The following RBFOX1 variants were observed in gnomAD, a reference collection of about 807,000 sequenced individuals.
RBFOX1 encodes RNA binding protein fox-1 homolog 1.
RBFOX1 carries 8 observed loss-of-function variants against 57.7 expected under a neutral mutation model. The observed-to-expected ratio is 0.14, with a 90% CI of 0.08 to 0.25. RBFOX1 has a LOEUF of 0.25. Among genes scored for constraint, RBFOX1 ranks in the 10% least tolerant of loss-of-function variants. The pLI, the probability that RBFOX1 is intolerant of heterozygous loss-of-function variation, is 1.00. For synonymous variants in RBFOX1, 326 were observed against 222.4 expected, an observed-to-expected ratio of 1.47 and a Z score of -4.15; for missense variants, 611 against 548.5, an observed-to-expected ratio of 1.11 and a Z score of -1.14.
At chr16:6,673,110 C>G (rs140387456) in intron 3 of RBFOX1, among the ~76,000 whole-genome samples, 1 of 152,160 alleles carries the variant, frequency 6.6e-6, no homozygotes, top group African/African-American at 2.4e-5. Context: ...GCAACACTTG[C>G]TTATAGCAGA....
chr16:6,164,896 C>T lies in RBFOX1; in HGVS notation c.-127+144904C>T, dbSNP rs531696129. ...CCATGTCAGAAATCACAGAATCCTA[C>T]GAAGTTGAATTTTTCATTAAAGGAT... On this transcript the variant is annotated intron_variant, in intron 1 of 15. Transcript: ENST00000550418. Among the ~76,000 whole-genome samples the T allele has an allele frequency of 7.2e-5, 11 of 152,168 alleles. No homozygotes were observed. The South Asian group carries it at 1.5e-3, about 20-fold the overall frequency.
chr16:6,037,528 A>AC (rs752452679), intron 1 of RBFOX1: 2 of 19,328 alleles, frequency 1.0e-4, no homozygotes, highest in Non-Finnish European at 5.6e-4. Flanking sequence ...GGTCACTTAC[A>AC]AAAAAAAAAA....
At chr16:7,587,546 C>T (rs2094195558) in intron 7 of RBFOX1, among the ~76,000 whole-genome samples, 1 of 152,080 alleles carries the variant, frequency 6.6e-6, no homozygotes, top group African/African-American at 2.4e-5. Context: ...GAAAATTATA[C>T]ATGCTTAAAA....
chr16:6,015,421 T>C (rs983407157), upstream of RBFOX1, among the ~76,000 whole-genome samples: 1 of 152,186 alleles, frequency 6.6e-6, no homozygotes, highest in Non-Finnish European at 1.5e-5. Flanking sequence ...TGGAAATCAT[T>C]ATGGTAATGG....
chr16:6,483,415 A>C, intron 2 of RBFOX1: 1 of 1,534,928 alleles, frequency 6.5e-7, no homozygotes, highest in Non-Finnish European at 8.7e-7. Context: ...CATTGCTAGC[A>C]CGTGGGTGCC....
chr16:6,688,693 G>C (rs1286755415), intron 3 of RBFOX1, among the ~76,000 whole-genome samples: 4 of 152,062 alleles, frequency 2.6e-5, no homozygotes, highest in Admixed American at 6.5e-5. Flanking sequence ...GCATGTGCAG[G>C]TTTGTTACAT....
chr16:6,897,788 C>A (rs1045711494), intron 3 of RBFOX1, among the ~76,000 whole-genome samples: 2 of 152,012 alleles, frequency 1.3e-5, no homozygotes, highest in Non-Finnish European at 2.9e-5. Flanking sequence ...AGCGAGATTC[C>A]GTCTCAAAAA....
chr16:7,001,866 C>G (rs2092839199), intron 3 of RBFOX1, among the ~76,000 whole-genome samples: 1 of 152,162 alleles, frequency 6.6e-6, no homozygotes, highest in African/African-American at 2.4e-5. Flanking sequence ...CTTGTCTCAA[C>G]TTTTCTTATT....
In RBFOX1 at chr16:6,761,082, G is replaced by A. The variant is rs527569241; in HGVS notation, c.-16+106432G>A. On this transcript the variant is annotated intron_variant, in intron 3 of 15. Coordinates refer to ENST00000550418, the MANE Select transcript of RBFOX1 (RefSeq NM_018723.4). Reference sequence around the variant, plus strand: ...AATTAAATTACCTATTGATTAGTAGGGGGCTATCATTAAAAATTAGCACAA... The same window carrying A: ...AATTAAATTACCTATTGATTAGTAGAGGGCTATCATTAAAAATTAGCACAA... Among the ~76,000 whole-genome samples the A allele has an allele frequency of 1.8e-4, 28 of 152,230 alleles. 1 individual carries two copies. The highest frequency in any genetic ancestry group is 5.9e-4 in the Admixed American group (9 of 15,296).
intron 2 of RBFOX1, among the ~76,000 whole-genome samples, chr16:6,570,033 C>T (rs909108238): frequency 6.6e-6 from 1 of 152,186 alleles, no homozygotes; most frequent in African/African-American, 2.4e-5. Flanking sequence ...GGACGACCTT[C>T]AGTATTGATA....
intron 4 of RBFOX1, among the ~76,000 whole-genome samples, chr16:7,400,770 A>C (rs1233347099): frequency 6.6e-6 from 1 of 152,134 alleles, no homozygotes; most frequent in Non-Finnish European, 1.5e-5. Flanking sequence ...TTAAAAATGG[A>C]TTTCAGTTCC....
chr16:5,394,926 C>A (rs926492767), intron 1 of RBFOX1, among the ~76,000 whole-genome samples: 1 of 152,112 alleles, frequency 6.6e-6, no homozygotes, highest in Admixed American at 6.5e-5. Context: ...TCACTGGCCA[C>A]CTTGTGTCCA....
intron 3 of RBFOX1, among the ~76,000 whole-genome samples, chr16:6,986,067 T>G (rs977469319): frequency 6.6e-6 from 1 of 151,672 alleles, no homozygotes; most frequent in Non-Finnish European, 1.5e-5. Context: ...TTCATTTGTC[T>G]TTTTAAAAAT....
intron 4 of RBFOX1, among the ~76,000 whole-genome samples, chr16:7,415,462 C>T (rs17739640): frequency 0.057 from 8,621 of 152,120 alleles, 600 homozygotes; most frequent in East Asian, 0.29. Context: ...CAATGAGTAA[C>T]GGACCAACCT....
At chr16:6,071,478 A>G (rs181435148) in intron 1 of RBFOX1, among the ~76,000 whole-genome samples, 310 of 152,330 alleles carry the variant, frequency 2.0e-3, no homozygotes, top group Non-Finnish European at 2.8e-3. Flanking sequence ...CCCCAATAAC[A>G]TGAGTTTACC....
At chr16:7,427,373 G>A (rs975490185) in intron 4 of RBFOX1, among the ~76,000 whole-genome samples, 1 of 152,124 alleles carries the variant, frequency 6.6e-6, no homozygotes, top group Non-Finnish European at 1.5e-5. Context: ...TGATGCTGCT[G>A]GTCTGAGAAC....
chr16:7,228,652 C>A (rs980085669), intron 4 of RBFOX1, among the ~76,000 whole-genome samples: 1 of 152,186 alleles, frequency 6.6e-6, no homozygotes, highest in Admixed American at 6.5e-5. Context: ...CTTCTTTTCT[C>A]TTTGCACCTG....
intron 3 of RBFOX1, among the ~76,000 whole-genome samples, chr16:5,624,890 C>T (rs1002405893): frequency 2.6e-4 from 39 of 152,142 alleles, no homozygotes; most frequent in African/African-American, 8.2e-4. Flanking sequence ...TGTTTGACCA[C>T]TTGGAAACTG....
At chr16:6,399,544 C>T (rs540516555) in intron 2 of RBFOX1, among the ~76,000 whole-genome samples, 16 of 152,156 alleles carry the variant, frequency 1.1e-4, no homozygotes, top group African/African-American at 3.9e-4. Flanking sequence ...GTCCATTTCA[C>T]CATCAGCATT....
Sources: allele counts gnomAD v4.1 joint callset (sites outside exome capture counted in the v4.1 genomes callset), GRCh38; gene constraint gnomAD v4.1.1; transcripts MANE v1.5; gene names NCBI Gene and HGNC (gene_info 2026-07-23, HGNC 2026-07-21).